The following ZNF385B variants were observed in gnomAD, a reference collection of about 807,000 sequenced individuals.
ZNF385B encodes the protein zinc finger protein 385B, also known as zinc finger protein 533.
Under a neutral mutation model 39.2 loss-of-function variants are expected in ZNF385B, and 23 were observed. The observed-to-expected ratio is 0.59, with a 90% CI of 0.42 to 0.83. The LOEUF (loss-of-function observed/expected upper bound fraction) is 0.83. ZNF385B is among the 40% of genes least tolerant of loss of function. The pLI, the probability that ZNF385B is intolerant of heterozygous loss-of-function variation, is 0.00. For missense variants in ZNF385B, 552 were observed against 598.9 expected (o/e 0.92, Z 0.82); for synonymous variants, 205 against 222.6 (o/e 0.92, Z 0.70).
chr2:179,799,329 T>A (rs1178885671), intron 1 of ZNF385B, among the ~76,000 whole-genome samples: 1 of 152,072 alleles, frequency 6.6e-6, no homozygotes, highest in Non-Finnish European at 1.5e-5. Context: ...ACAACCATAA[T>A]CTACTTTTTT....
intron 5 of ZNF385B, 58 bp from the exon 6 acceptor site, chr2:179,483,492 T>TG (rs2054232109): frequency 6.2e-7 from 1 of 1,604,344 alleles, no homozygotes; most frequent in African/African-American, 1.3e-5. Flanking sequence ...CCACAGTGGA[T>TG]GATCATGCAG....
chr2:179,555,458 G>A (rs1515295), intron 3 of ZNF385B, among the ~76,000 whole-genome samples: 23,968 of 148,850 alleles, frequency 0.16, 3,182 homozygotes, highest in Middle Eastern at 0.19. Flanking sequence ...TCATTCAACT[G>A]CACACTTATG....
At chr2:179,731,685 G>A (rs2106429413) in intron 3 of ZNF385B, among the ~76,000 whole-genome samples, 1 of 152,334 alleles carries the variant, frequency 6.6e-6, no homozygotes, top group East Asian at 1.9e-4. Flanking sequence ...TACTCAGGAG[G>A]TTGGAGTGAG....
chr2:179,782,482 A>G (rs555624695), intron 1 of ZNF385B, among the ~76,000 whole-genome samples: 5 of 152,316 alleles, frequency 3.3e-5, no homozygotes, highest in Non-Finnish European at 7.3e-5. Context: ...AGTCCTAGCC[A>G]GAGCAATCAG....
intron 3 of ZNF385B, among the ~76,000 whole-genome samples, chr2:179,731,760 G>A (rs952853384): frequency 6.6e-6 from 1 of 152,170 alleles, no homozygotes; most frequent in Non-Finnish European, 1.5e-5. Flanking sequence ...GCACTCCCAC[G>A]TGGGCATCAT....
chr2:179,691,795 T>C (rs78775136), intron 3 of ZNF385B, among the ~76,000 whole-genome samples: 7,427 of 152,254 alleles, frequency 0.049, 235 homozygotes, highest in Middle Eastern at 0.082. Flanking sequence ...TTTTTGTTTA[T>C]CTGAAATTCA....
chr2:179,639,718 C>T (rs1034607109), intron 3 of ZNF385B, among the ~76,000 whole-genome samples: 1 of 152,100 alleles, frequency 6.6e-6, no homozygotes, highest in Non-Finnish European at 1.5e-5. Flanking sequence ...TTCACTATCA[C>T]ATAGTAATAG....
chr2:179,673,662 T>C (rs1485320933), intron 3 of ZNF385B, among the ~76,000 whole-genome samples: 1 of 152,150 alleles, frequency 6.6e-6, no homozygotes, highest in African/African-American at 2.4e-5. Context: ...TCCAGCCCCT[T>C]TGGAAAGCCT....
intron 1 of ZNF385B, among the ~76,000 whole-genome samples, chr2:179,779,158 G>C (rs1704519517): frequency 6.6e-6 from 1 of 152,178 alleles, no homozygotes; most frequent in Non-Finnish European, 1.5e-5. Context: ...AAAAAACACA[G>C]TGCTGTAACA....
At chr2:179,704,319 T>A (rs942319798) in intron 3 of ZNF385B, among the ~76,000 whole-genome samples, 3 of 152,192 alleles carry the variant, frequency 2.0e-5, no homozygotes, top group Non-Finnish European at 2.9e-5. Context: ...TGTATCTGCA[T>A]AGAGAAAGTC....
intron 3 of ZNF385B, among the ~76,000 whole-genome samples, chr2:179,765,673 A>C (rs929721534): frequency 1.3e-5 from 2 of 152,146 alleles, no homozygotes; most frequent in Non-Finnish European, 2.9e-5. Context: ...AACCCATAAG[A>C]AATTATGAGA....
At chr2:179,500,143 AG>A (rs1395864481) in intron 5 of ZNF385B, among the ~76,000 whole-genome samples, 1 of 152,172 alleles carries the variant, frequency 6.6e-6, no homozygotes, top group Non-Finnish European at 1.5e-5. Context: ...GGACACAAAA[AG>A]TGAAAGGATA....
intron 6 of ZNF385B, among the ~76,000 whole-genome samples, chr2:179,460,364 G>C (rs1394405671): frequency 1.3e-5 from 2 of 152,168 alleles, no homozygotes; most frequent in Non-Finnish European, 2.9e-5. Context: ...TTAGTTTACA[G>C]TTTAACTTTG....
intron 1 of ZNF385B, among the ~76,000 whole-genome samples, chr2:179,777,692 A>G (rs1704411141): frequency 1.3e-5 from 2 of 152,114 alleles, no homozygotes; most frequent in Admixed American, 6.5e-5. Context: ...TGCTACCTCT[A>G]AATAAATTAT....
intron 3 of ZNF385B, among the ~76,000 whole-genome samples, chr2:179,638,290 AAAGG>A (rs1691944284): frequency 6.6e-6 from 1 of 152,226 alleles, no homozygotes; most frequent in African/African-American, 2.4e-5. Flanking sequence ...GTTAGAAGAA[AAAGG>A]AAGAACTAAT....
chr2:179,559,687 T>C (rs2061197860), intron 3 of ZNF385B, among the ~76,000 whole-genome samples: 2 of 152,272 alleles, frequency 1.3e-5, no homozygotes, highest in Non-Finnish European at 2.9e-5. Flanking sequence ...AATGTGATAT[T>C]TTGATGCATA....
At chr2:179,606,037 A>C (rs1483384098) in intron 3 of ZNF385B, among the ~76,000 whole-genome samples, 1 of 152,170 alleles carries the variant, frequency 6.6e-6, no homozygotes, top group African/African-American at 2.4e-5. Flanking sequence ...ATCTGAGTAC[A>C]AATTATTATA....
chr2:179,800,517 C>T (rs1705961926), intron 1 of ZNF385B, among the ~76,000 whole-genome samples: 1 of 151,884 alleles, frequency 6.6e-6, no homozygotes, highest in South Asian at 2.1e-4. Flanking sequence ...TACCTAAGCT[C>T]ACATGTAAAA....
chr2:179,712,198 C>T (rs1004573313), intron 3 of ZNF385B, among the ~76,000 whole-genome samples: 4 of 152,098 alleles, frequency 2.6e-5, no homozygotes, highest in Non-Finnish European at 2.9e-5. Flanking sequence ...TAAAATTATG[C>T]TTTCTCCCAC....
Sources: allele counts gnomAD v4.1 joint callset (sites outside exome capture counted in the v4.1 genomes callset), GRCh38; gene constraint gnomAD v4.1.1; transcripts MANE v1.5; gene names NCBI Gene and HGNC (gene_info 2026-07-23, HGNC 2026-07-21).